ITPK1: variants seen among roughly 807,000 people sequenced by gnomAD.
ITPK1 encodes inositol 1,3,4-trisphosphate 5/6-kinase.
A neutral mutation model predicts 45.3 loss-of-function variants in ITPK1; 21 were observed. The ratio of observed to expected loss-of-function variants is 0.46; its 90% CI spans 0.33 to 0.67. ITPK1 has a LOEUF of 0.67. ITPK1 is among the 30% of genes least tolerant of loss of function. ITPK1 has a pLI of 0.02. For synonymous variants in ITPK1, 258 were observed against 253.6 expected, an observed-to-expected ratio of 1.02 and a Z score of -0.16; for missense variants, 474 against 573.5, an observed-to-expected ratio of 0.83 and a Z score of 1.77.
intron 5 of ITPK1, among the ~76,000 whole-genome samples, chr14:92,968,728 G>T (rs957821514): frequency 1.3e-5 from 2 of 152,224 alleles, no homozygotes; most frequent in Non-Finnish European, 2.9e-5. Flanking sequence ...GGCCAGGAAA[G>T]GTCTGCACGG....
intron 4 of ITPK1, chr14:92,998,788 GC>G (rs1332368800): frequency 1.3e-5 from 2 of 152,170 alleles, no homozygotes; most frequent in Non-Finnish European, 2.9e-5. Flanking sequence ...AGAAATAAGA[GC>G]CAGCTACCCA....
intron 3 of ITPK1, among the ~76,000 whole-genome samples, chr14:93,055,671 C>G (rs1328070422): frequency 6.6e-6 from 1 of 152,216 alleles, no homozygotes; most frequent in Non-Finnish European, 1.5e-5. Context: ...CCTCCCATGC[C>G]TCCCTCCCAC....
intron 8 of ITPK1, among the ~76,000 whole-genome samples, chr14:92,956,509 C>T (rs930712052): frequency 1.3e-5 from 2 of 152,110 alleles, no homozygotes; most frequent in Non-Finnish European, 2.9e-5. Context: ...AGTCCTCGTC[C>T]TCACAGATAC....
intron 3 of ITPK1, among the ~76,000 whole-genome samples, chr14:93,026,063 A>G (rs1236002398): frequency 2.6e-5 from 4 of 152,172 alleles, no homozygotes; most frequent in Admixed American, 6.5e-5. Flanking sequence ...TTAAGCACGG[A>G]TTGCGCCACT....
chr14:92,939,652 G>A lies in ITPK1; in HGVS notation c.*1909C>T, dbSNP rs550938236. ...CCACGACACCACATGGCAGTTACTC[G>A]GTATCTGGGCCCTGGACGCGCAAGA... On this transcript the variant is annotated 3_prime_UTR_variant, in exon 11 of 11. Transcript: ENST00000267615. 9 of 983,846 alleles carry A rather than the reference G, an allele frequency of 9.1e-6. No individual in the cohort carries two copies. Among genetic ancestry groups the A allele is most frequent in the Admixed American group, 1.2e-4 (2 of 16,222 alleles). 60.9% of individuals were successfully genotyped at this position (983,846 alleles called of 1,614,324 possible).
chr14:93,083,354 C>T (rs76764069), intron 2 of ITPK1, among the ~76,000 whole-genome samples: 5,040 of 152,162 alleles, frequency 0.033, 281 homozygotes, highest in African/African-American at 0.12. Flanking sequence ...GCTTTCATAT[C>T]CGTTAAAAGG....
intron 8 of ITPK1, among the ~76,000 whole-genome samples, chr14:92,957,631 T>G (rs1434859341): frequency 6.6e-6 from 1 of 152,210 alleles, no homozygotes; most frequent in African/African-American, 2.4e-5. Flanking sequence ...CACCGTCCAC[T>G]GACTCAAAAC....
chr14:92,942,764 T>C lies in ITPK1; in HGVS notation c.902-860A>G, dbSNP rs570457318. Among the ~76,000 whole-genome samples the C allele has an allele frequency of 9.2e-5, 14 of 152,334 alleles. No individual in the cohort carries two copies. In the South Asian group the frequency reaches 2.9e-3, roughly 32 times the overall value. ...GCCCTCGGGAGCCACCAAGCAGGTT[T>C]CGGATCTCAGGGGAGGATTCTGCTG... On this transcript the variant is annotated intron_variant, in intron 10 of 10. Coordinates refer to ENST00000267615, the MANE Select transcript of ITPK1 (RefSeq NM_014216.6).
At chr14:92,969,231 C>T (rs1353592010) in intron 5 of ITPK1, among the ~76,000 whole-genome samples, 2 of 152,148 alleles carry the variant, frequency 1.3e-5, no homozygotes, top group African/African-American at 2.4e-5. Flanking sequence ...GAGGAGCTTA[C>T]ATTCTAGTGG....
At chr14:92,992,883 A>G (rs1464193792) in intron 5 of ITPK1, among the ~76,000 whole-genome samples, 1 of 152,232 alleles carries the variant, frequency 6.6e-6, no homozygotes, top group Non-Finnish European at 1.5e-5. Context: ...GCCCACTTCT[A>G]AGAGTACCAA....
chr14:93,008,064 T>G (rs939587238), intron 4 of ITPK1, among the ~76,000 whole-genome samples: 1 of 152,232 alleles, frequency 6.6e-6, no homozygotes, highest in Non-Finnish European at 1.5e-5. Context: ...ACCCAGCTAC[T>G]GCGGGTCCTT....
intron 3 of ITPK1, chr14:93,067,534 C>T (rs1027944388): frequency 3.9e-5 from 6 of 152,114 alleles, no homozygotes; most frequent in Admixed American, 2.6e-4. Flanking sequence ...GACTGCAACA[C>T]GGTGACAGCT....
chr14:93,046,078 G>T (rs533386744), intron 3 of ITPK1, among the ~76,000 whole-genome samples: 1 of 152,094 alleles, frequency 6.6e-6, no homozygotes, highest in African/African-American at 2.4e-5. Flanking sequence ...CCCACCCCAC[G>T]CTCTTTTCTT....
chr14:93,002,290 G>A (rs1887392806), intron 4 of ITPK1, among the ~76,000 whole-genome samples: 1 of 152,212 alleles, frequency 6.6e-6, no homozygotes, highest in African/African-American at 2.4e-5. Flanking sequence ...CCAGTGAGCA[G>A]TAATCACGAC....
intron 9 of ITPK1, among the ~76,000 whole-genome samples, chr14:92,948,113 T>G (rs892798970): frequency 6.6e-6 from 1 of 152,130 alleles, no homozygotes; most frequent in South Asian, 2.1e-4. Flanking sequence ...ATTGTGTGAT[T>G]CCATTTCTAC....
chr14:93,104,060 G>A (rs967040831), intron 2 of ITPK1, among the ~76,000 whole-genome samples: 1 of 152,120 alleles, frequency 6.6e-6, no homozygotes, highest in Admixed American at 6.5e-5. Context: ...GCCCTAGGGC[G>A]GGTGCACTGC....
chr14:92,993,235 G>T (rs1478483363), intron 5 of ITPK1, among the ~76,000 whole-genome samples: 3 of 152,242 alleles, frequency 2.0e-5, no homozygotes, highest in African/African-American at 7.2e-5. Flanking sequence ...GGCACACTTG[G>T]ACTAAGCAGT....
intron 3 of ITPK1, among the ~76,000 whole-genome samples, chr14:93,021,518 G>C (rs1047499393): frequency 6.6e-6 from 1 of 151,982 alleles, no homozygotes; most frequent in Non-Finnish European, 1.5e-5. Context: ...GCTTGAACCC[G>C]GGAGGCGGAG....
chr14:93,074,660 T>C (rs1297142597), intron 3 of ITPK1, among the ~76,000 whole-genome samples: 1 of 152,214 alleles, frequency 6.6e-6, no homozygotes, highest in African/African-American at 2.4e-5. Context: ...GGGGCCTTCC[T>C]GAGCACAGTG....
Sources: allele counts gnomAD v4.1 joint callset (sites outside exome capture counted in the v4.1 genomes callset), GRCh38; gene constraint gnomAD v4.1.1; transcripts MANE v1.5; gene names NCBI Gene and HGNC (gene_info 2026-07-23, HGNC 2026-07-21).